The following DIXDC1 variants were observed in gnomAD, a reference collection of about 807,000 sequenced individuals.
The protein encoded by DIXDC1 is dixin.
In DIXDC1, 64 loss-of-function variants were observed where a neutral mutation model predicts 103.1. The observed-to-expected ratio is 0.62, with a 90% CI of 0.51 to 0.76. The LOEUF (loss-of-function observed/expected upper bound fraction) is 0.76, where lower values mean the gene tolerates loss of function less well. DIXDC1 is among the 30% of genes least tolerant of loss of function. DIXDC1 has a pLI of 0.00. For synonymous variants in DIXDC1, 266 were observed against 298.5 expected (o/e 0.89, Z 1.12); for missense variants, 759 against 834.2 (o/e 0.91, Z 1.11).
intron 10 of DIXDC1, 75 bp from the exon 11 acceptor site, chr11:111,992,340 G>A (rs782458610): frequency 7.7e-7 from 1 of 1,307,148 alleles, no homozygotes; most frequent in Non-Finnish European, 1.1e-6. Flanking sequence ...CACATTAAAG[G>A]CTTTAGTAAT....
At chr11:112,003,917 G>A (rs1354383946) in intron 17 of DIXDC1, among the ~76,000 whole-genome samples, 1 of 151,250 alleles carries the variant, frequency 6.6e-6, no homozygotes, top group African/African-American at 2.4e-5. Context: ...GTGGGCTTAT[G>A]CCTGTAATCT....
chr11:111,992,224 T>C (rs587632371), intron 10 of DIXDC1, among the ~76,000 whole-genome samples, 191 bp from the exon 11 acceptor site: 133 of 152,336 alleles, frequency 8.7e-4, no homozygotes, highest in African/African-American at 3.0e-3. Context: ...GATTTTGCTC[T>C]GGATGCTAGT....
chr11:111,985,349 C>G (rs1860453793), intron 8 of DIXDC1, 28 bp downstream of exon 8: 1 of 1,559,264 alleles, frequency 6.4e-7, no homozygotes, highest in Non-Finnish European at 8.8e-7. Flanking sequence ...TGATTGGACA[C>G]TAAATCTGTA....
At chr11:111,971,191 C>G (rs1390419593) in intron 3 of DIXDC1, among the ~76,000 whole-genome samples, 1 of 152,146 alleles carries the variant, frequency 6.6e-6, no homozygotes, top group African/African-American at 2.4e-5. Context: ...AGCAGATAGC[C>G]TATAGAATGG....
chr11:111,987,062 A>G (rs1202431029), intron 9 of DIXDC1, 138 bp downstream of exon 9: 3 of 539,758 alleles, frequency 5.6e-6, no homozygotes, highest in Admixed American at 3.0e-5. Flanking sequence ...CATCCTGGCT[A>G]ACATGGTGAA....
chr11:111,993,060 G>A lies in DIXDC1; in HGVS notation c.1272+56G>A, dbSNP rs191324722. On this transcript the variant is annotated intron_variant, in intron 12 of 19. Coordinates refer to ENST00000440460, the MANE Select transcript of DIXDC1 (RefSeq NM_001037954.4). ...TCCACTGACTTTTCATGAACAGCCCGTTATTGTTGCTCAAAAAGCACTTAA... is the reference window on the plus strand; with the variant it reads ...TCCACTGACTTTTCATGAACAGCCCATTATTGTTGCTCAAAAAGCACTTAA... The A allele has an allele frequency of 1.8e-4, 279 of 1,521,966 alleles. No individual in the cohort carries two copies. In the African/African-American group the frequency reaches 2.2e-3, roughly 12 times the overall value. The allele number at this position is 1,521,966 out of a possible 1,614,324, so 94.3% of individuals were successfully genotyped here. A position where few individuals can be genotyped will look rare whatever the true frequency, so the allele number is the denominator to read the frequency against.
rs1444817975 is a variant in DIXDC1, at chr11:111,977,895, G to A, written c.657-2842G>A. ...GCCGGAGACAGGCGGGGTGGTGGGA[G>A]CATTATGTTGGGAGGACCGGCTGCT... On this transcript the variant is annotated intron_variant, in intron 5 of 19. Coordinates refer to ENST00000440460, the MANE Select transcript of DIXDC1 (RefSeq NM_001037954.4). This position sits in a 1 kb window ranked among gnomAD's most constrained non-coding sequence, Gnocchi z 6.1. 2.8e-6 allele frequency: 4 copies of A among 1,428,708 alleles called. No homozygotes were observed. In the East Asian group the frequency reaches 1.1e-4, roughly 40 times the overall value. The allele number at this position is 1,428,708 out of a possible 1,614,324, so 88.5% of individuals were successfully genotyped here. A position where few individuals can be genotyped will look rare whatever the true frequency, so the allele number is the denominator to read the frequency against.
rs1302407888 is a variant in DIXDC1 at position 111,964,470 on chromosome 11, A to T, written c.61-79A>T. The T allele has an allele frequency of 9.2e-6, 14 of 1,520,924 alleles. No homozygotes were observed. In the African/African-American group the frequency reaches 1.4e-4, roughly 15 times the overall value. 94.2% of individuals were successfully genotyped at this position (1,520,924 alleles called of 1,614,324 possible). A position where few individuals can be genotyped will look rare whatever the true frequency, so the allele number is the denominator to read the frequency against. ...GGTTGTTTATTATACCCCAGTCACA[A>T]ACGCTTCCTCAGAGGGTATGAGGTA... On this transcript the variant is annotated intron_variant, in intron 1 of 19. Transcript: ENST00000440460.
intron 6 of DIXDC1, chr11:111,982,126 A>C (rs140987896): frequency 3.6e-5 from 16 of 444,944 alleles, no homozygotes; most frequent in Non-Finnish European, 5.6e-5. Context: ...TTAAAAGAGG[A>C]TAGATTGTTC....
intron 10 of DIXDC1, among the ~76,000 whole-genome samples, chr11:111,991,051 T>C (rs782375313): frequency 4.6e-5 from 7 of 152,302 alleles, no homozygotes; most frequent in African/African-American, 1.7e-4. Context: ...TGTGCAATAA[T>C]ACCTAGAAGT....
At chr11:111,929,783 G>A in intron 1 of DIXDC1, 1 of 1,373,808 alleles carries the variant, frequency 7.3e-7, no homozygotes, top group Non-Finnish European at 9.8e-7. Flanking sequence ...TTCCTGGCTT[G>A]TTATTTTGTA....
At chr11:112,006,283 A>G (rs911607025) in intron 17 of DIXDC1, among the ~76,000 whole-genome samples, 3 of 152,064 alleles carry the variant, frequency 2.0e-5, no homozygotes, top group Non-Finnish European at 4.4e-5. Context: ...AGCTGCCTGG[A>G]AGCTCAAACT....
upstream of DIXDC1, among the ~76,000 whole-genome samples, chr11:111,937,007 ATGTGTGTATGTG>A (rs1444202267): frequency 1.4e-5 from 2 of 146,830 alleles, no homozygotes; most frequent in Non-Finnish European, 3.0e-5. Flanking sequence ...GTATGTGTGT[ATGTGTGTATGTG>A]TGTGTGTGTG....
intron 11 of DIXDC1, 113 bp downstream of exon 11, chr11:111,992,632 C>T: frequency 2.1e-6 from 2 of 945,046 alleles, no homozygotes; most frequent in Non-Finnish European, 3.2e-6. Context: ...TCTGGGATGC[C>T]TGCCTTAAGT....
At chr11:111,982,770 T>C (rs1336983715) in intron 7 of DIXDC1, among the ~76,000 whole-genome samples, 1 of 152,222 alleles carries the variant, frequency 6.6e-6, no homozygotes, top group Non-Finnish European at 1.5e-5. Flanking sequence ...GCTACATAGG[T>C]GGGCTTCTAC....
chr11:111,929,072 G>A (rs980616787), intron 1 of DIXDC1, among the ~76,000 whole-genome samples: 3 of 151,360 alleles, frequency 2.0e-5, no homozygotes, highest in Non-Finnish European at 2.9e-5. Flanking sequence ...CCAGCTACTC[G>A]GGAGGCTGAG....
intron 17 of DIXDC1, among the ~76,000 whole-genome samples, chr11:112,014,508 G>A (rs936010417): frequency 2.6e-5 from 4 of 152,068 alleles, no homozygotes; most frequent in Admixed American, 6.6e-5. Flanking sequence ...TTTTTAAAAG[G>A]TGCTTTTAAA....
intron 17 of DIXDC1, 184 bp downstream of exon 17, chr11:111,996,330 C>T (rs587723897): frequency 2.0e-6 from 1 of 496,738 alleles, no homozygotes; most frequent in African/African-American, 2.0e-5. Flanking sequence ...CCATCACCAC[C>T]CCCAGTGCCA....
At chr11:111,993,864 AAAAGTGCAGGTTCC>A (rs1555174982) in intron 14 of DIXDC1, 124 bp downstream of exon 14, 6 of 1,070,652 alleles carry the variant, frequency 5.6e-6, no homozygotes, top group Non-Finnish European at 6.7e-6. Context: ...TGAGCTAGTT[AAAAGTGCAGGTTCC>A]AGAATAAGAA....
Sources: gnomAD v4.1 joint callset for allele counts (sites outside exome capture counted in the v4.1 genomes callset) on GRCh38, gnomAD v4.1.1 for gene constraint, Gnocchi (gnomAD v3.1) non-coding constraint, MANE v1.5 for transcripts, NCBI Gene and HGNC (gene_info 2026-07-23, HGNC 2026-07-21) for gene names.